Variants in PRKCA observed in about 807,000 individuals in gnomAD.
PRKCA encodes the protein protein kinase C alpha type.
In PRKCA, 27 loss-of-function variants were observed where a neutral mutation model predicts 87.0. The observed-to-expected ratio is 0.31, with a 90% CI of 0.23 to 0.43. The LOEUF is 0.43. Ranked by LOEUF, PRKCA falls within the 20% of genes least tolerant of loss-of-function variation. The probability of loss-of-function intolerance (pLI) is 1.00; values close to 1 mark genes in which losing one functional copy is unlikely to be tolerated. For synonymous variants in PRKCA, 329 were observed against 311.1 expected (o/e 1.06, Z -0.61); for missense variants, 518 against 852.3 (o/e 0.61, Z 4.88).
chr17:66,414,842 A>G (rs1250731826), intron 2 of PRKCA: 1 of 152,178 alleles, frequency 6.6e-6, no homozygotes, highest in Non-Finnish European at 1.5e-5. Context: ...GACTTACTTC[A>G]TAGTAAGACA....
chr17:66,608,702 G>A (rs1598810912), intron 3 of PRKCA, among the ~76,000 whole-genome samples: 1 of 152,166 alleles, frequency 6.6e-6, no homozygotes, highest in Admixed American at 6.6e-5. Flanking sequence ...TATGGCCCAG[G>A]AATCTGTTCT....
In PRKCA at chr17:66,765,399, C is replaced by T. The variant is rs1266409196; in HGVS notation, c.1525-8588C>T. 5.8e-5 allele frequency among the ~76,000 whole-genome samples: 5 copies of T among 86,132 alleles called. No homozygotes were observed. In the South Asian group the frequency reaches 1.2e-3, roughly 20 times the overall value. 56.5% of individuals were successfully genotyped at this position (86,132 alleles called of 152,430 possible). A position where few individuals can be genotyped will look rare whatever the true frequency, so the allele number is the denominator to read the frequency against. On this transcript the variant is annotated intron_variant, in intron 13 of 16. Transcript: ENST00000413366. ...TCGTGTCACTGCATTCCGGCCTGGT[C>T]GACAGAGCAAGACTTTGTCTATATA...
intron 13 of PRKCA, among the ~76,000 whole-genome samples, chr17:66,766,564 T>G (rs759590709): frequency 1.8e-4 from 27 of 152,138 alleles, no homozygotes; most frequent in Non-Finnish European, 3.1e-4. Flanking sequence ...CAAACTCACT[T>G]TGGGAGGCCA....
At chr17:66,397,275 CTTTTTT>C (rs57003663) in intron 2 of PRKCA, among the ~76,000 whole-genome samples, 1 of 93,718 alleles carries the variant, frequency 1.1e-5, no homozygotes, top group Admixed American at 1.4e-4. Context: ...CCAGTGTAGA[CTTTTTT>C]TTTTTTTTTT....
intron 2 of PRKCA, among the ~76,000 whole-genome samples, chr17:66,316,522 TTTTA>T (rs1345031997): frequency 6.6e-6 from 1 of 152,174 alleles, no homozygotes; most frequent in Non-Finnish European, 1.5e-5. Flanking sequence ...ATTTTTAAAT[TTTTA>T]TTTATTTATT....
intron 2 of PRKCA, among the ~76,000 whole-genome samples, chr17:66,418,611 A>G (rs1237807435): frequency 1.3e-5 from 2 of 150,596 alleles, no homozygotes; most frequent in Non-Finnish European, 3.0e-5. Context: ...TAATTTTTGT[A>G]TTTTTAGTAG....
chr17:66,698,377 C>G (rs1034509729), intron 8 of PRKCA, among the ~76,000 whole-genome samples: 3 of 152,042 alleles, frequency 2.0e-5, no homozygotes, highest in Admixed American at 6.6e-5. Flanking sequence ...AAAACAAGAG[C>G]TCAATAAAAA....
intron 3 of PRKCA, among the ~76,000 whole-genome samples, chr17:66,550,664 A>G (rs1215945415): frequency 1.3e-5 from 2 of 151,932 alleles, no homozygotes; most frequent in East Asian, 1.9e-4. Flanking sequence ...CAATCAATCA[A>G]TCAATAAGGC....
chr17:66,495,935 G>A (rs1290833088), intron 2 of PRKCA, among the ~76,000 whole-genome samples: 2 of 152,088 alleles, frequency 1.3e-5, no homozygotes, highest in South Asian at 2.1e-4. Context: ...CTTACAATCT[G>A]ATTCTCCTCT....
chr17:66,304,525 A>G (rs1428058890), intron 1 of PRKCA, among the ~76,000 whole-genome samples: 3 of 152,194 alleles, frequency 2.0e-5, no homozygotes, highest in African/African-American at 4.8e-5. Context: ...ACAGGGTGGC[A>G]GTCACGGAGT....
intron 5 of PRKCA, among the ~76,000 whole-genome samples, chr17:66,670,745 C>T (rs1340848521): frequency 6.6e-6 from 1 of 151,848 alleles, no homozygotes; most frequent in African/African-American, 2.4e-5. Flanking sequence ...GTCTGTAGTC[C>T]CAGCTACTCG....
At chr17:66,330,206 A>G (rs1906245185) in intron 2 of PRKCA, among the ~76,000 whole-genome samples, 1 of 151,696 alleles carries the variant, frequency 6.6e-6, no homozygotes, top group African/African-American at 2.4e-5. Context: ...CCTGCATTCA[A>G]GAGATTCTCC....
intron 2 of PRKCA, among the ~76,000 whole-genome samples, chr17:66,382,433 C>T (rs555136545): frequency 3.9e-5 from 6 of 152,044 alleles, no homozygotes; most frequent in South Asian, 2.1e-4. Flanking sequence ...CCCGAGTAGC[C>T]GGGACTACAG....
intron 14 of PRKCA, among the ~76,000 whole-genome samples, chr17:66,780,037 A>C (rs1168617084): frequency 6.6e-6 from 1 of 152,190 alleles, no homozygotes; most frequent in African/African-American, 2.4e-5. Flanking sequence ...AGAGCGAGTG[A>C]TTACCTGTCA....
intron 5 of PRKCA, among the ~76,000 whole-genome samples, chr17:66,664,716 C>T (rs568228802): frequency 4.1e-5 from 5 of 121,458 alleles, no homozygotes; most frequent in East Asian, 5.4e-4. Flanking sequence ...GGCAGTGTTG[C>T]GATCATAGCT....
intron 2 of PRKCA, among the ~76,000 whole-genome samples, chr17:66,489,190 A>G (rs1329815087): frequency 1.3e-5 from 2 of 151,898 alleles, no homozygotes; most frequent in Non-Finnish European, 2.9e-5. Context: ...AGAATATGTT[A>G]CATAATGGCT....
intron 3 of PRKCA, among the ~76,000 whole-genome samples, chr17:66,602,930 G>A (rs1368492083): frequency 2.0e-5 from 3 of 152,032 alleles, no homozygotes; most frequent in African/African-American, 4.8e-5. Flanking sequence ...TCTGTGAGGC[G>A]GGAAGCCCAC....
chr17:66,805,615 T>G lies in PRKCA; in HGVS notation c.*1578T>G, dbSNP rs942919362. 2.0e-5 allele frequency: 3 copies of G among 152,210 alleles called. No individual in the cohort carries two copies. Among genetic ancestry groups the G allele is most frequent in the African/African-American group, 7.2e-5 (3 of 41,458 alleles). 9.4% of individuals were successfully genotyped at this position (152,210 alleles called of 1,614,324 possible). ...TATTTGATTCTACCTGCAAACAAAT[T>G]TTTATTGGTGAGGACTATTTTTGAG... On this transcript the variant is annotated 3_prime_UTR_variant, in exon 17 of 17. Transcript: ENST00000413366.
At chr17:66,496,176 T>C (rs769380372) in intron 2 of PRKCA, 25 bp from the exon 3 acceptor site, 2 of 1,575,962 alleles carry the variant, frequency 1.3e-6, no homozygotes, top group Non-Finnish European at 1.7e-6. Flanking sequence ...TCTATTCTAA[T>C]TTTAGTTTCC....
Sources: gnomAD v4.1 joint callset for allele counts (sites outside exome capture counted in the v4.1 genomes callset) on GRCh38, gnomAD v4.1.1 for gene constraint, MANE v1.5 for transcripts, NCBI Gene and HGNC (gene_info 2026-07-23, HGNC 2026-07-21) for gene names.